The following TMEM268 variants were observed in gnomAD, a reference collection of about 807,000 sequenced individuals.
TMEM268 encodes transmembrane protein 268.
In TMEM268, 24 loss-of-function variants were observed where a neutral mutation model predicts 39.1. The observed-to-expected ratio is 0.61, with a 90% CI of 0.44 to 0.86. TMEM268 has a LOEUF of 0.86. Ranked by LOEUF, TMEM268 falls within the 40% of genes least tolerant of loss-of-function variation. The pLI is 0.00. For synonymous variants in TMEM268, 176 were observed against 173.5 expected, an observed-to-expected ratio of 1.01 and a Z score of -0.12; for missense variants, 409 against 428.6, an observed-to-expected ratio of 0.95 and a Z score of 0.40.
chr9:114,609,026 T>C (rs1248677785), upstream of TMEM268, among the ~76,000 whole-genome samples: 3 of 152,216 alleles, frequency 2.0e-5, no homozygotes, highest in Admixed American at 6.5e-5. Context: ...AATGCATGCA[T>C]AGGCCAGGTG....
chr9:114,605,953 A>C, the TMEM268 span, among the ~76,000 whole-genome samples: 1 of 151,740 alleles, frequency 6.6e-6, no homozygotes, highest in Admixed American at 6.6e-5. Flanking sequence ...AAGAAAAGAA[A>C]ATAACTTACA....
chr9:114,631,674 A>G (rs1434331051), intron 5 of TMEM268, among the ~76,000 whole-genome samples: 4 of 152,334 alleles, frequency 2.6e-5, no homozygotes, highest in Non-Finnish European at 4.4e-5. Flanking sequence ...GAAGGAAGAA[A>G]TCCACATCAA....
intron 3 of TMEM268, among the ~76,000 whole-genome samples, chr9:114,625,743 G>T (rs1292449657): frequency 6.6e-6 from 1 of 150,856 alleles, no homozygotes; most frequent in Non-Finnish European, 1.5e-5. Flanking sequence ...ACGCCTGGCA[G>T]ATTGGGTTTT....
chr9:114,634,999 C>T (rs934437180), intron 6 of TMEM268, among the ~76,000 whole-genome samples: 31 of 152,158 alleles, frequency 2.0e-4, no homozygotes, highest in African/African-American at 7.2e-4. Flanking sequence ...TCCGTTGGCA[C>T]GTAGGAGTGG....
At chr9:114,619,597 C>T (rs904849816) in intron 2 of TMEM268, among the ~76,000 whole-genome samples, 5 of 152,210 alleles carry the variant, frequency 3.3e-5, no homozygotes, top group Non-Finnish European at 7.3e-5. Flanking sequence ...TTCATTCTTG[C>T]TGTGGACTGG....
At chr9:114,628,282 C>T (rs1422988435) in intron 5 of TMEM268, 32 bp downstream of exon 5, 3 of 1,606,498 alleles carry the variant, frequency 1.9e-6, no homozygotes, top group Non-Finnish European at 1.7e-6. Context: ...GCCACACTCT[C>T]TCCAGAAGAG....
At chr9:114,612,965 A>G (rs1219386921) in intron 1 of TMEM268, among the ~76,000 whole-genome samples, 2 of 152,212 alleles carry the variant, frequency 1.3e-5, no homozygotes, top group African/African-American at 2.4e-5. Flanking sequence ...GATGGCAGCT[A>G]TATTTCTTCA....
rs1846249115 is a variant in TMEM268 at position 114,628,327 on chromosome 9, G to C, written c.474+77G>C. ...CGTGAGAATCAGATTTTTCCCTTTT[G>C]CCTCCCTCAAAGAATTTCCCTGGCC... On this transcript the variant is annotated intron_variant, in intron 5 of 8. Coordinates refer to ENST00000288502, the MANE Select transcript of TMEM268 (RefSeq NM_153045.4). 7.2e-6 allele frequency: 11 copies of C among 1,537,364 alleles called. No individual in the cohort carries two copies. In the East Asian group the frequency reaches 2.5e-4, roughly 35 times the overall value.
chr9:114,618,431 G>A (rs1845819860), intron 2 of TMEM268, among the ~76,000 whole-genome samples: 1 of 152,028 alleles, frequency 6.6e-6, no homozygotes, highest in South Asian at 2.1e-4. Flanking sequence ...AGGGTGGGCA[G>A]ATCACTTGAG....
At chr9:114,629,753 G>A (rs1015711796) in intron 5 of TMEM268, among the ~76,000 whole-genome samples, 4 of 152,182 alleles carry the variant, frequency 2.6e-5, no homozygotes, top group Non-Finnish European at 5.9e-5. Flanking sequence ...AGAAAGAGGG[G>A]GCAGGATGTT....
At chr9:114,624,228 G>C in intron 2 of TMEM268, 122 bp from the exon 3 acceptor site, 2 of 1,476,946 alleles carry the variant, frequency 1.4e-6, no homozygotes, top group Non-Finnish European at 1.8e-6. Context: ...TGGCCACCGT[G>C]TCCCTCCTTG....
At chr9:114,624,075 A>C in intron 2 of TMEM268, 1 of 309,472 alleles carries the variant, frequency 3.2e-6, no homozygotes. Context: ...CCTATTTTTT[A>C]TGGGGACAGC....
chr9:114,642,009 A>T (rs1480207292), intron 8 of TMEM268, among the ~76,000 whole-genome samples: 4 of 152,188 alleles, frequency 2.6e-5, no homozygotes, highest in African/African-American at 9.7e-5. Flanking sequence ...TTTACTTAAA[A>T]TTGTTTTATT....
At chr9:114,624,509 A>G in intron 3 of TMEM268, 50 bp downstream of exon 3, 1 of 1,543,100 alleles carries the variant, frequency 6.5e-7, no homozygotes, top group Non-Finnish European at 8.8e-7. Context: ...TCATCCATTC[A>G]TCCCTCTATC....
Position 114,643,457 on chromosome 9 carries a change from G to A in TMEM268, c.*144G>A. ...AGGGGCCTGTGATGTCAGCCACTGGGGTGTTGTGCTCACTTCAGGGCCCAG... is the reference window on the plus strand; with the variant it reads ...AGGGGCCTGTGATGTCAGCCACTGGAGTGTTGTGCTCACTTCAGGGCCCAG... On this transcript the variant is annotated 3_prime_UTR_variant, in exon 9 of 9. Coordinates refer to ENST00000288502, the MANE Select transcript of TMEM268 (RefSeq NM_153045.4). The A allele has an allele frequency of 1.5e-6, 1 of 682,890 alleles. No homozygotes were observed. Among genetic ancestry groups the A allele is most frequent in the Non-Finnish European group, 2.5e-6 (1 of 405,488 alleles). 42.3% of individuals were successfully genotyped at this position (682,890 alleles called of 1,614,324 possible).
At chr9:114,637,367 A>G (rs1343647336) in intron 7 of TMEM268, among the ~76,000 whole-genome samples, 1 of 144,092 alleles carries the variant, frequency 6.9e-6, no homozygotes, top group Non-Finnish European at 1.5e-5. Flanking sequence ...ATCTCTGCTC[A>G]CTGCAGCCTT....
upstream of TMEM268, among the ~76,000 whole-genome samples, chr9:114,610,132 C>T (rs1210956269): frequency 1.3e-5 from 2 of 152,062 alleles, no homozygotes; most frequent in Non-Finnish European, 2.9e-5. Context: ...CTCCACCTCC[C>T]GGGTTCAAGC....
chr9:114,619,634 T>C (rs1845868329), intron 2 of TMEM268, among the ~76,000 whole-genome samples: 1 of 152,218 alleles, frequency 6.6e-6, no homozygotes, highest in South Asian at 2.1e-4. Flanking sequence ...CGGATCTGCT[T>C]GACTGCCTGC....
At chr9:114,604,585 CAAAAAAAAA>C in the TMEM268 span, among the ~76,000 whole-genome samples, 2 of 81,666 alleles carry the variant, frequency 2.4e-5, no homozygotes, top group Non-Finnish European at 4.5e-5. Context: ...GACTCCGTCT[CAAAAAAAAA>C]AAAAAAAAAA....
Sources: allele counts gnomAD v4.1 joint callset (sites outside exome capture counted in the v4.1 genomes callset), GRCh38; gene constraint gnomAD v4.1.1; transcripts MANE v1.5; gene names NCBI Gene and HGNC (gene_info 2026-07-23, HGNC 2026-07-21).